The following CSGALNACT2 variants were observed in gnomAD, a reference collection of about 807,000 sequenced individuals.
The protein encoded by CSGALNACT2 is chondroitin sulfate N-acetylgalactosaminyltransferase 2.
CSGALNACT2 carries 35 observed loss-of-function variants against 55.3 expected under a neutral mutation model. The observed-to-expected ratio is 0.63, with a 90% CI of 0.48 to 0.84. The LOEUF is 0.84. Among genes scored for constraint, CSGALNACT2 ranks in the 40% least tolerant of loss-of-function variants. The pLI is 0.00. For synonymous variants in CSGALNACT2, 196 were observed against 224.9 expected (o/e 0.87, Z 1.15); for missense variants, 544 against 657.5 (o/e 0.83, Z 1.89).
chr10:43,163,767 T>C, intron 4 of CSGALNACT2, 99 bp from the exon 5 acceptor site: 1 of 1,406,718 alleles, frequency 7.1e-7, no homozygotes, highest in Non-Finnish European at 9.3e-7. Context: ...TATAATCAAA[T>C]ATTTGAAGTG....
chr10:43,177,279 T>C (rs1839498656), intron 7 of CSGALNACT2, among the ~76,000 whole-genome samples: 1 of 152,230 alleles, frequency 6.6e-6, no homozygotes, highest in South Asian at 2.1e-4. Context: ...ATGACAATTT[T>C]ATTGAGATAT....
intron 5 of CSGALNACT2, among the ~76,000 whole-genome samples, chr10:43,165,371 C>CA (rs373175491): frequency 0.048 from 6,629 of 139,446 alleles, 168 homozygotes; most frequent in South Asian, 0.096. Context: ...TTCTTACCAC[C>CA]AAAAAAAAAA....
intron 4 of CSGALNACT2, chr10:43,163,127 G>A: frequency 1.0e-6 from 1 of 985,276 alleles, no homozygotes. Flanking sequence ...TATTTTGAAT[G>A]ACCTTTACAC....
intron 7 of CSGALNACT2, among the ~76,000 whole-genome samples, chr10:43,182,685 C>G (rs1411327867): frequency 6.6e-6 from 1 of 150,646 alleles, no homozygotes; most frequent in Admixed American, 6.6e-5. Flanking sequence ...CGAGACCAGC[C>G]TGGGCAACAT....
intron 3 of CSGALNACT2, among the ~76,000 whole-genome samples, chr10:43,159,700 T>A (rs982988146): frequency 6.6e-6 from 1 of 152,268 alleles, no homozygotes; most frequent in Admixed American, 6.5e-5. Context: ...GTAAAGTTTT[T>A]TTATGTTATC....
At chr10:43,166,094 T>C (rs577535294) in intron 5 of CSGALNACT2, among the ~76,000 whole-genome samples, 18 of 152,216 alleles carry the variant, frequency 1.2e-4, no homozygotes, top group Non-Finnish European at 2.5e-4. Context: ...TCAGGAACTC[T>C]TTGAGAACCT....
At chr10:43,146,726 CTGT>C (rs1838757077) in intron 1 of CSGALNACT2, among the ~76,000 whole-genome samples, 4 of 145,574 alleles carry the variant, frequency 2.7e-5, no homozygotes, top group Admixed American at 1.4e-4. Context: ...GAGCAAGATG[CTGT>C]CTTTTTTTTT....
intron 7 of CSGALNACT2, among the ~76,000 whole-genome samples, chr10:43,180,653 AC>A (rs1459723527): frequency 6.6e-6 from 1 of 152,180 alleles, no homozygotes; most frequent in African/African-American, 2.4e-5. Flanking sequence ...CTTTTAGTAT[AC>A]CTTGTCATGT....
intron 4 of CSGALNACT2, among the ~76,000 whole-genome samples, chr10:43,161,774 A>G (rs1281630604): frequency 2.0e-5 from 3 of 152,192 alleles, no homozygotes; most frequent in Admixed American, 6.5e-5. Context: ...CTTTGCCTCC[A>G]GTTACCTCTA....
intron 3 of CSGALNACT2, among the ~76,000 whole-genome samples, chr10:43,159,734 G>A (rs1205383396): frequency 6.6e-6 from 1 of 152,126 alleles, no homozygotes; most frequent in Non-Finnish European, 1.5e-5. Flanking sequence ...TTAAAATGCT[G>A]AAGTGTTAAA....
rs142562075 is a variant in CSGALNACT2, at chr10:43,183,379, G to A, written c.1466G>A (p.Arg489His). 273 of 1,614,112 alleles carry A rather than the reference G, an allele frequency of 1.7e-4. No homozygotes were observed. The African/African-American group carries it at 3.1e-3, about 18-fold the overall frequency. The change falls in exon 8 of 8, where the codon CGC becomes CAC. Residue 489 changes from arginine (R) to histidine (H), a missense_variant. By Grantham distance (29) the Arg-to-His change is conservative. Transcript: ENST00000374466. Reference sequence around the variant, plus strand: ...CTTTTCCACCTCTGGCATGAAAAGCGCTGTGCTGATGAGCTGACCCCCGAG... The same window carrying A: ...CTTTTCCACCTCTGGCATGAAAAGCACTGTGCTGATGAGCTGACCCCCGAG... ...PGLFHLWHEKRCADELTPEQY... is the reference protein window; with the variant it reads ...PGLFHLWHEKHCADELTPEQY...
intron 3 of CSGALNACT2, 38 bp downstream of exon 3, chr10:43,158,969 T>G: frequency 8.0e-7 from 1 of 1,245,086 alleles, no homozygotes; most frequent in Non-Finnish European, 1.2e-6. Context: ...TACATTCTCC[T>G]AAAAAAAATC....
chr10:43,150,569 CAA>C (rs1409781053), intron 1 of CSGALNACT2, among the ~76,000 whole-genome samples: 4 of 152,122 alleles, frequency 2.6e-5, no homozygotes, highest in Admixed American at 2.6e-4. Context: ...TTTCAGTTTT[CAA>C]AGAGTAATCT....
In CSGALNACT2 at chr10:43,183,626, T is replaced by C. The variant is rs1839636505; in HGVS notation, c.*84T>C. 1.1e-5 allele frequency: 12 copies of C among 1,073,352 alleles called. No individual in the cohort carries two copies. Among genetic ancestry groups the C allele is most frequent in the Non-Finnish European group, 1.7e-5 (12 of 719,664 alleles). The allele number at this position is 1,073,352 out of a possible 1,614,324, so 66.5% of individuals were successfully genotyped here. ...CTTCTACTTCCAGATGCAGTGCCTC[T>C]TTTGGAGAAGACATGTTTATTTTTC... is the stretch of plus-strand genomic sequence containing the variant. On this transcript the variant is annotated 3_prime_UTR_variant, in exon 8 of 8. Transcript: ENST00000374466.
At position 43,164,033 on chromosome 10, in the gene CSGALNACT2, A is replaced by T; in HGVS notation, c.1148A>T (p.Asn383Ile). The change falls in exon 5 of 8, where the codon AAT (asparagine) becomes ATT (isoleucine). Residue 383 changes from asparagine (N) to isoleucine (I), a missense_variant. Asn to Ile is a moderately radical substitution (Grantham distance 149). Coordinates refer to ENST00000374466, the MANE Select transcript of CSGALNACT2 (RefSeq NM_018590.5). ...SAEFLNSCRL[N>I]AEPGKKVFYP... Reference sequence around the variant, plus strand: ...GAATTCCTTAACAGCTGCCGGTTAAATGCTGAGCCAGGTGCGTAAAATGTT... The same window carrying T: ...GAATTCCTTAACAGCTGCCGGTTAATTGCTGAGCCAGGTGCGTAAAATGTT... The T allele has an allele frequency of 1.2e-6, 2 of 1,613,056 alleles. No homozygotes were observed. Among genetic ancestry groups the T allele is most frequent in the Non-Finnish European group, 1.7e-6 (2 of 1,179,334 alleles).
At chr10:43,156,337 A>G (rs1050355802) in intron 2 of CSGALNACT2, among the ~76,000 whole-genome samples, 3 of 152,226 alleles carry the variant, frequency 2.0e-5, no homozygotes, top group Non-Finnish European at 4.4e-5. Context: ...TTCCTAATAC[A>G]TATTTCAGAA....
chr10:43,158,217 A>G (rs1839061244), intron 2 of CSGALNACT2, among the ~76,000 whole-genome samples: 1 of 151,808 alleles, frequency 6.6e-6, no homozygotes, highest in African/African-American at 2.4e-5. Context: ...ACATAGCACT[A>G]TATTGTTATT....
At chr10:43,157,064 C>G (rs2914985) in intron 2 of CSGALNACT2, among the ~76,000 whole-genome samples, 75,245 of 152,110 alleles carry the variant, frequency 0.49, 19,238 homozygotes, top group Non-Finnish European at 0.57. Context: ...TTGTGGCCTC[C>G]TCTTTTTTCT....
chr10:43,180,260 G>A lies in CSGALNACT2; in HGVS notation c.1337-2990G>A, dbSNP rs1165947641. Reference sequence around the variant, plus strand: ...CCATTATACATATGTTACATCTTTTGTAGTTGTCCCACCGTTCTTAGATAT... The same window carrying A: ...CCATTATACATATGTTACATCTTTTATAGTTGTCCCACCGTTCTTAGATAT... On this transcript the variant is annotated intron_variant, in intron 7 of 7. Coordinates refer to ENST00000374466, the MANE Select transcript of CSGALNACT2 (RefSeq NM_018590.5). Among the ~76,000 whole-genome samples the A allele has an allele frequency of 3.3e-5, 5 of 152,162 alleles. 1 individual carries two copies. Among genetic ancestry groups the A allele is most frequent in the Non-Finnish European group, 4.4e-5 (3 of 68,002 alleles).
Sources: gnomAD v4.1 joint callset for allele counts (sites outside exome capture counted in the v4.1 genomes callset) on GRCh38, gnomAD v4.1.1 for gene constraint, MANE v1.5 for transcripts, NCBI Gene and HGNC (gene_info 2026-07-23, HGNC 2026-07-21) for gene names.